Variants in ACER1 observed in about 807,000 individuals in gnomAD.
ACER1 encodes alkaline ceramidase 1.
A neutral mutation model predicts 24.9 loss-of-function variants in ACER1; 28 were observed. That is an observed-to-expected ratio of 1.13 (90% CI 0.83 to 1.54). ACER1 has a LOEUF of 1.54. ACER1 is among the 40% of genes most tolerant of loss of function. The pLI, the probability that ACER1 is intolerant of heterozygous loss-of-function variation, is 0.00. For synonymous variants in ACER1, 132 were observed against 131.4 expected (o/e 1.00, Z -0.03); for missense variants, 352 against 349.3 (o/e 1.01, Z -0.06).
intron 3 of ACER1, among the ~76,000 whole-genome samples, chr19:6,311,758 A>C (rs2091583093): frequency 6.6e-6 from 1 of 151,758 alleles, no homozygotes; most frequent in Non-Finnish European, 1.5e-5. Flanking sequence ...AATTAGATCA[A>C]GAGAGGGACC....
intron 1 of ACER1, among the ~76,000 whole-genome samples, chr19:6,315,311 C>T (rs1412712017): frequency 6.6e-6 from 1 of 151,964 alleles, no homozygotes; most frequent in African/African-American, 2.4e-5. Context: ...TCAAGTAATC[C>T]TCCCACCTCA....
upstream of ACER1, among the ~76,000 whole-genome samples, chr19:6,335,128 G>A (rs144091601): frequency 0.05 from 7,153 of 143,470 alleles, 273 homozygotes; most frequent in African/African-American, 0.11. Context: ...TTATTTTAAT[G>A]TGATTAATAT....
At chr19:6,357,634 T>C in the ACER1 span, among the ~76,000 whole-genome samples, 1 of 151,146 alleles carries the variant, frequency 6.6e-6, no homozygotes, top group Non-Finnish European at 1.5e-5. Flanking sequence ...TATCTGGGCG[T>C]GATGGTGGGT....
At chr19:6,359,997 T>A in the ACER1 span, among the ~76,000 whole-genome samples, 7 of 152,198 alleles carry the variant, frequency 4.6e-5, no homozygotes, top group Non-Finnish European at 8.8e-5. Context: ...TTGAACTGAA[T>A]GATGAAAAAG....
At chr19:6,344,187 C>T in the ACER1 span, among the ~76,000 whole-genome samples, 11 of 151,830 alleles carry the variant, frequency 7.2e-5, no homozygotes, top group East Asian at 1.9e-4. Context: ...GAGAATGGCC[C>T]GAACCCAGGA....
chr19:6,355,846 TG>T, the ACER1 span, among the ~76,000 whole-genome samples: 10 of 121,038 alleles, frequency 8.3e-5, no homozygotes, highest in Non-Finnish European at 1.2e-4. Context: ...GGGAGGGAGG[TG>T]GGGGGGTCAG....
chr19:6,312,019 G>T, intron 3 of ACER1, 130 bp downstream of exon 3: 1 of 1,260,276 alleles, frequency 7.9e-7, no homozygotes, highest in Non-Finnish European at 1.1e-6. Flanking sequence ...AACCCGAAGT[G>T]GTCAGGGGAG....
the ACER1 span, among the ~76,000 whole-genome samples, chr19:6,345,346 C>T: frequency 5.4e-3 from 816 of 152,194 alleles, 3 homozygotes; most frequent in Non-Finnish European, 8.4e-3. Flanking sequence ...TTGTGCAAGA[C>T]AATTTTATCA....
the ACER1 span, among the ~76,000 whole-genome samples, chr19:6,354,006 A>AC: frequency 6.9e-4 from 104 of 151,550 alleles, no homozygotes; most frequent in African/African-American, 2.4e-3. Context: ...ACACGGTGGA[A>AC]CCCCATCTCT....
intron 3 of ACER1, among the ~76,000 whole-genome samples, chr19:6,311,457 A>G (rs930625131): frequency 2.0e-5 from 3 of 151,890 alleles, no homozygotes; most frequent in Admixed American, 6.6e-5. Context: ...CAGGAGGATC[A>G]CTTGAACCCT....
At chr19:6,325,981 G>T (rs2091659139) in intron 1 of ACER1, among the ~76,000 whole-genome samples, 3 of 151,352 alleles carry the variant, frequency 2.0e-5, no homozygotes, top group South Asian at 2.1e-4. Context: ...TTGAGGCAGG[G>T]TCTGGTTTTG....
chr19:6,308,081 TTAAA>T (rs59870931), intron 4 of ACER1, among the ~76,000 whole-genome samples: 2 of 150,800 alleles, frequency 1.3e-5, no homozygotes, highest in Non-Finnish European at 2.9e-5. Context: ...AGACTCCATC[TTAAA>T]TAAATAAATA....
chr19:6,350,914 T>C, the ACER1 span, among the ~76,000 whole-genome samples: 14 of 152,250 alleles, frequency 9.2e-5, no homozygotes, highest in Admixed American at 5.2e-4. Context: ...TCTGAGCCAA[T>C]AGAGAATTTG....
chr19:6,309,765 C>T lies in ACER1; in HGVS notation c.420G>A (p.Thr140=), dbSNP rs542183249. The change falls in exon 4 of 6, where the codon ACG becomes ACA. Residue 140 remains threonine, a synonymous_variant. Coordinates refer to ENST00000301452, the MANE Select transcript of ACER1 (RefSeq NM_133492.3). ...VSTLLSFLRP[T]VNAYALNSIA... ...TGCTGTTGAGGGCGTAGGCGTTGAC[C>T]GTGGGCCGCAGGAAGGACAGAAGGG... 3.1e-5 allele frequency: 50 copies of T among 1,613,918 alleles called. No homozygotes were observed. Among genetic ancestry groups the T allele is most frequent in the Non-Finnish European group, 3.9e-5 (46 of 1,180,002 alleles).
rs2091557266 is a variant in ACER1, at chr19:6,307,308, G to T, written c.489-18C>A. 6.2e-7 allele frequency: 1 copy of T among 1,613,008 alleles called. No homozygotes were observed. Among genetic ancestry groups the T allele is most frequent in the African/African-American group, 1.3e-5 (1 of 74,866 alleles). ...TGCTGGTCCTAGAGAGGGGAGAGGG[G>T]GACCAGGGGCTGGCTCGGAGAGCAG... On this transcript the variant is annotated intron_variant, in intron 4 of 5. Coordinates refer to ENST00000301452, the MANE Select transcript of ACER1 (RefSeq NM_133492.3).
At chr19:6,324,621 C>T (rs1288439576) in intron 1 of ACER1, among the ~76,000 whole-genome samples, 4 of 151,122 alleles carry the variant, frequency 2.6e-5, no homozygotes, top group African/African-American at 9.7e-5. Flanking sequence ...CAAAATTAAC[C>T]GGGCGTGGTG....
At chr19:6,347,133 A>AAT in the ACER1 span, among the ~76,000 whole-genome samples, 1 of 128,422 alleles carries the variant, frequency 7.8e-6, no homozygotes, top group Non-Finnish European at 1.6e-5. Context: ...TATATATATA[A>AAT]AATAATAATA....
the ACER1 span, among the ~76,000 whole-genome samples, chr19:6,341,005 AG>A: frequency 6.6e-6 from 1 of 151,972 alleles, no homozygotes; most frequent in Non-Finnish European, 1.5e-5. Context: ...GCTCCAGGAG[AG>A]ACCTCGTTTC....
chr19:6,307,082 G>A, intron 5 of ACER1, 71 bp downstream of exon 5: 2 of 1,591,276 alleles, frequency 1.3e-6, no homozygotes, highest in African/African-American at 1.3e-5. Flanking sequence ...GCCCCCAGGT[G>A]CCTACTCCGA....
Sources: allele counts gnomAD v4.1 joint callset (sites outside exome capture counted in the v4.1 genomes callset), GRCh38; gene constraint gnomAD v4.1.1; transcripts MANE v1.5; gene names NCBI Gene and HGNC (gene_info 2026-07-23, HGNC 2026-07-21).